ANKFN1: variants seen among roughly 807,000 people sequenced by gnomAD.
ANKFN1 encodes ankyrin repeat and fibronectin type-III domain-containing protein 1.
In ANKFN1, 74 loss-of-function variants were observed where a neutral mutation model predicts 108.7. That is an observed-to-expected ratio of 0.68 (90% CI 0.56 to 0.83). The LOEUF (loss-of-function observed/expected upper bound fraction) is 0.83, where lower values mean the gene tolerates loss of function less well. Among genes scored for constraint, ANKFN1 ranks in the 40% least tolerant of loss-of-function variants. The probability of loss-of-function intolerance (pLI) is 0.00; values close to 1 mark genes in which losing one functional copy is unlikely to be tolerated. For missense variants in ANKFN1, 1,505 were observed against 1,382.3 expected (o/e 1.09, Z -1.41); for synonymous variants, 547 against 516.2 (o/e 1.06, Z -0.81).
rs550877190 is a variant in ANKFN1, at chr17:56,458,231, C to T, written c.1557+252C>T. ...CAGTATATAGGAGTAACTCATTAAACAAGGAGTAAGGAGACTTGAGTTCTA... is the reference window on the plus strand; with the variant it reads ...CAGTATATAGGAGTAACTCATTAAATAAGGAGTAAGGAGACTTGAGTTCTA... On this transcript the variant is annotated intron_variant, in intron 14 of 20. Coordinates refer to ENST00000682825, the MANE Select transcript of ANKFN1 (RefSeq NM_001370326.1). 3.3e-5 allele frequency among the ~76,000 whole-genome samples: 5 copies of T among 152,188 alleles called. No individual in the cohort carries two copies. The East Asian group carries it at 9.7e-4, about 29-fold the overall frequency.
intron 1 of ANKFN1, among the ~76,000 whole-genome samples, chr17:56,164,535 A>C (rs1319023362): frequency 6.6e-6 from 1 of 152,210 alleles, no homozygotes; most frequent in Non-Finnish European, 1.5e-5. Context: ...TGGCTAGATC[A>C]ATGATTTAAT....
At chr17:56,454,716 A>T (rs1568014327) in intron 11 of ANKFN1, among the ~76,000 whole-genome samples, 1 of 152,128 alleles carries the variant, frequency 6.6e-6, no homozygotes. Context: ...CCTGCTTGGA[A>T]GGTATAAGTT....
chr17:56,481,408 C>G (rs2050696618), intron 17 of ANKFN1, among the ~76,000 whole-genome samples: 1 of 151,868 alleles, frequency 6.6e-6, no homozygotes, highest in Admixed American at 6.6e-5. Context: ...TAGGCTCTGC[C>G]CAATAGGTTA....
intron 3 of ANKFN1, among the ~76,000 whole-genome samples, chr17:56,260,113 G>A (rs530502120): frequency 2.0e-4 from 31 of 152,288 alleles, no homozygotes; most frequent in South Asian, 8.3e-4. Flanking sequence ...AAGAATTATC[G>A]TACCAAATTT....
chr17:56,379,239 A>G (rs2047026151), intron 8 of ANKFN1, among the ~76,000 whole-genome samples: 1 of 152,110 alleles, frequency 6.6e-6, no homozygotes, highest in Non-Finnish European at 1.5e-5. Context: ...TCTACTAAAA[A>G]ATACAAAAGA....
intron 8 of ANKFN1, among the ~76,000 whole-genome samples, chr17:56,383,173 A>T (rs1740466143): frequency 1.3e-5 from 2 of 152,158 alleles, no homozygotes; most frequent in South Asian, 4.1e-4. Flanking sequence ...GGATTAAGAA[A>T]CTCACTCAAA....
intron 8 of ANKFN1, among the ~76,000 whole-genome samples, chr17:56,422,465 A>ACATGCACACT (rs2048439313): frequency 6.6e-6 from 1 of 151,516 alleles, no homozygotes. Context: ...ACATGCACAC[A>ACATGCACACT]CACACGCACG....
chr17:56,330,539 G>A (rs16957107), intron 4 of ANKFN1, among the ~76,000 whole-genome samples: 6,230 of 152,214 alleles, frequency 0.041, 235 homozygotes, highest in African/African-American at 0.1. Flanking sequence ...CTATTTCATA[G>A]CTATGCATTT....
chr17:56,286,619 G>T (rs2044224045), intron 3 of ANKFN1, among the ~76,000 whole-genome samples: 1 of 152,080 alleles, frequency 6.6e-6, no homozygotes, highest in African/African-American at 2.4e-5. Flanking sequence ...GACTCCCAGG[G>T]CAAGTATGCT....
Position 56,055,457 on chromosome 17 carries a change from GTA to G in ANKFN1, c.288+9134_288+9135del, listed in dbSNP as rs1004767855. 1.5e-4 allele frequency among the ~76,000 whole-genome samples: 19 copies of G among 126,982 alleles called. 1 individual carries two copies. The highest frequency in any genetic ancestry group is 5.3e-4 in the African/African-American group (19 of 36,072). The allele number at this position is 126,982 out of a possible 152,430, so 83.3% of individuals were successfully genotyped here. On this transcript the variant is annotated intron_variant, in intron 4 of 12. Coordinates refer to the ANKFN1 transcript ENST00000635860. ...CCATTATGTCTGTGTGTGTGTGTGT[GTA>G]TTATTCCATTATGTCTGTGTGTATA... is the stretch of plus-strand genomic sequence containing the variant.
Position 56,275,929 on chromosome 17 carries a change from G to A in ANKFN1, c.53+47972G>A, listed in dbSNP as rs191757139. ...TACAACATACAGGTTTGTTACATAG[G>A]TATACATGTGTCATGTTGGCTTGCC... On this transcript the variant is annotated intron_variant, in intron 3 of 20. Coordinates refer to ENST00000682825, the MANE Select transcript of ANKFN1 (RefSeq NM_001370326.1). Among the ~76,000 whole-genome samples, 394 of 152,176 alleles carry A rather than the reference G, an allele frequency of 2.6e-3. 4 individuals are homozygous for A. The highest frequency in any genetic ancestry group is 8.7e-3 in the African/African-American group (363 of 41,504).
chr17:56,438,502 C>T (rs1470218451), intron 8 of ANKFN1, among the ~76,000 whole-genome samples: 1 of 152,148 alleles, frequency 6.6e-6, no homozygotes, highest in Admixed American at 6.5e-5. Context: ...TGAAAAGATA[C>T]TAGGTGGAGG....
At position 56,513,621 on chromosome 17, in the gene ANKFN1, A is replaced by G. The variant is rs560680428; in HGVS notation, c.*2352A>G. Among the ~76,000 whole-genome samples the G allele has an allele frequency of 1.3e-5, 2 of 152,322 alleles. No individual in the cohort carries two copies. The highest frequency in any genetic ancestry group is 2.9e-5 in the Non-Finnish European group (2 of 68,020). ...GAGGCATTCAACAAACAGGAGAGGC[A>G]GAAACTGACCCACCCTTCTGACCCC... On this transcript the variant is annotated 3_prime_UTR_variant, in exon 21 of 21. Coordinates refer to ENST00000682825, the MANE Select transcript of ANKFN1 (RefSeq NM_001370326.1).
At chr17:56,066,434 C>T (rs1411632397) in intron 4 of ANKFN1, among the ~76,000 whole-genome samples, 3 of 152,062 alleles carry the variant, frequency 2.0e-5, no homozygotes, top group African/African-American at 7.2e-5. Flanking sequence ...ATATACATAC[C>T]AGAATTCAAT....
At chr17:56,274,403 G>A (rs2043866588) in intron 3 of ANKFN1, among the ~76,000 whole-genome samples, 1 of 152,140 alleles carries the variant, frequency 6.6e-6, no homozygotes, top group Admixed American at 6.5e-5. Flanking sequence ...AACCCGGGAG[G>A]CGGAGCTTGC....
chr17:56,070,574 T>C (rs917131439), intron 4 of ANKFN1, among the ~76,000 whole-genome samples: 8 of 152,100 alleles, frequency 5.3e-5, no homozygotes, highest in African/African-American at 1.2e-4. Context: ...AAGAAATGAA[T>C]ATACCTTTTT....
intron 8 of ANKFN1, among the ~76,000 whole-genome samples, chr17:56,399,433 T>A (rs2047683788): frequency 6.6e-6 from 1 of 152,102 alleles, no homozygotes; most frequent in Non-Finnish European, 1.5e-5. Context: ...AGGCTCATTT[T>A]TTTTTTTAAT....
At chr17:56,332,004 A>G (rs2045676846) in intron 4 of ANKFN1, among the ~76,000 whole-genome samples, 1 of 152,136 alleles carries the variant, frequency 6.6e-6, no homozygotes, top group African/African-American at 2.4e-5. Context: ...ATAGCAAGCA[A>G]TAGAGAAGAA....
In ANKFN1 at chr17:56,154,952, C is replaced by T. The variant is rs187645915; in HGVS notation, c.-71+1422C>T. Reference sequence around the variant, plus strand: ...ACCATACTATTTCAGTTCTCTAACACTCAGTTTCTTCATCCATGAAGTGAC... The same window carrying T: ...ACCATACTATTTCAGTTCTCTAACATTCAGTTTCTTCATCCATGAAGTGAC... On this transcript the variant is annotated intron_variant, in intron 1 of 20. Transcript: ENST00000682825. Among the ~76,000 whole-genome samples the T allele has an allele frequency of 2.0e-5, 3 of 152,294 alleles. No individual in the cohort carries two copies. The East Asian group carries it at 5.8e-4, about 29-fold the overall frequency.
Sources: gnomAD v4.1 joint callset for allele counts (sites outside exome capture counted in the v4.1 genomes callset) on GRCh38, gnomAD v4.1.1 for gene constraint, MANE v1.5 for transcripts, NCBI Gene and HGNC (gene_info 2026-07-23, HGNC 2026-07-21) for gene names.